The following MVB12B variants were observed in gnomAD, a reference collection of about 807,000 sequenced individuals.
MVB12B encodes ESCRT-I complex subunit MVB12B.
MVB12B carries 16 observed loss-of-function variants against 41.6 expected under a neutral mutation model. The ratio of observed to expected loss-of-function variants is 0.38; its 90% confidence interval spans 0.26 to 0.58. The LOEUF is 0.58. Among genes scored for constraint, MVB12B ranks in the 20% least tolerant of loss-of-function variants. MVB12B has a pLI of 0.62. For missense variants in MVB12B, 274 were observed against 380.2 expected, an observed-to-expected ratio of 0.72 and a Z score of 2.32; for synonymous variants, 133 against 139.7, an observed-to-expected ratio of 0.95 and a Z score of 0.34.
intron 7 of MVB12B, among the ~76,000 whole-genome samples, chr9:126,451,589 C>T (rs1332298101): frequency 6.6e-6 from 1 of 152,024 alleles, no homozygotes; most frequent in Non-Finnish European, 1.5e-5. Context: ...GCTCCCAAAG[C>T]AGTAGGAGTT....
At chr9:126,425,912 A>G (rs1026404583) in intron 7 of MVB12B, among the ~76,000 whole-genome samples, 2 of 152,242 alleles carry the variant, frequency 1.3e-5, no homozygotes, top group Admixed American at 6.5e-5. Context: ...ACTAAAGCCC[A>G]TGGCCCAATC....
chr9:126,455,651 AT>A (rs371049045), intron 7 of MVB12B, among the ~76,000 whole-genome samples: 1 of 151,592 alleles, frequency 6.6e-6, no homozygotes, highest in East Asian at 1.9e-4. Flanking sequence ...TGCCCAGCTG[AT>A]TTTTTTGATA....
chr9:126,496,711 GAGA>G (rs1468801992), intron 9 of MVB12B, among the ~76,000 whole-genome samples: 2 of 152,126 alleles, frequency 1.3e-5, no homozygotes, highest in East Asian at 3.9e-4. Context: ...GGAGAGGAGA[GAGA>G]ACCATGCAGG....
chr9:126,503,141 CTGACTG>C, intron 9 of MVB12B, 30 bp from the exon 10 acceptor site: 1 of 1,520,718 alleles, frequency 6.6e-7, no homozygotes, highest in African/African-American at 1.4e-5. Flanking sequence ...GTCCCATGGA[CTGACTG>C]TGTCTCTCTG....
chr9:126,485,912 C>G (rs529173361), intron 9 of MVB12B, among the ~76,000 whole-genome samples: 2 of 152,176 alleles, frequency 1.3e-5, no homozygotes, highest in East Asian at 3.9e-4. Context: ...CACGCCACAG[C>G]CAGCTCTCCT....
intron 6 of MVB12B, chr9:126,396,917 A>G: frequency 1.0e-6 from 1 of 985,496 alleles, no homozygotes; most frequent in Non-Finnish European, 1.2e-6. Context: ...GCCCATCAGC[A>G]CTTGTTCCTC....
At chr9:126,499,556 C>A (rs1177305965) in intron 9 of MVB12B, among the ~76,000 whole-genome samples, 1 of 152,132 alleles carries the variant, frequency 6.6e-6, no homozygotes, top group African/African-American at 2.4e-5. Context: ...CGCTGTTTGC[C>A]CAAGGGAGTG....
chr9:126,372,380 G>T (rs936899351), intron 2 of MVB12B, among the ~76,000 whole-genome samples: 2 of 152,176 alleles, frequency 1.3e-5, no homozygotes, highest in African/African-American at 4.8e-5. Flanking sequence ...TTTCTCTTGG[G>T]TATATACCTA....
Position 126,395,736 on chromosome 9 carries a change from C to G in MVB12B, c.662+39C>G, listed in dbSNP as rs1200355025. ...GGGGTGTCTTGCGTTGTCCTGTGGT[C>G]TTAGGTCCCTGCACAACATTTTAGA... On this transcript the variant is annotated intron_variant, in intron 6 of 9. Coordinates refer to ENST00000361171, the MANE Select transcript of MVB12B (RefSeq NM_033446.3). The surrounding 1 kb of genome is among the most constrained non-coding windows in gnomAD (Gnocchi z 4.9). The G allele has an allele frequency of 6.2e-6, 10 of 1,610,768 alleles. No individual in the cohort carries two copies. Among genetic ancestry groups the G allele is most frequent in the Admixed American group, 5.0e-5 (3 of 59,574 alleles).
At chr9:126,356,460 C>T (rs1829883046) in intron 2 of MVB12B, among the ~76,000 whole-genome samples, 1 of 152,046 alleles carries the variant, frequency 6.6e-6, no homozygotes, top group Non-Finnish European at 1.5e-5. Flanking sequence ...TTATAATTGA[C>T]ATACAATAGA....
rs1358850098 is a variant in MVB12B at position 126,504,589 on chromosome 9, A to AC, written c.*1327dup. On this transcript the variant is annotated 3_prime_UTR_variant, in exon 10 of 10. Transcript: ENST00000361171. ...GTAGTGCTAGCTGAGGCCCAGAGGA[A>AC]CGGGAGGAAAGGGAGGCAGCGCCGG... is the stretch of plus-strand genomic sequence containing the variant. The AC allele has an allele frequency of 6.5e-6, 1 of 152,764 alleles. No individual in the cohort carries two copies. Among genetic ancestry groups the AC allele is most frequent in the Non-Finnish European group, 1.5e-5 (1 of 68,180 alleles). 9.5% of individuals were successfully genotyped at this position (152,764 alleles called of 1,614,324 possible). A position where few individuals can be genotyped will look rare whatever the true frequency, so the allele number is the denominator to read the frequency against.
chr9:126,477,921 G>A (rs1833451844), intron 7 of MVB12B, among the ~76,000 whole-genome samples: 1 of 152,322 alleles, frequency 6.6e-6, no homozygotes, highest in Non-Finnish European at 1.5e-5. Context: ...TAGTCAGAAA[G>A]CCAGGCTTAC....
chr9:126,456,481 AG>A (rs1156529098), intron 7 of MVB12B, among the ~76,000 whole-genome samples: 3 of 152,218 alleles, frequency 2.0e-5, no homozygotes, highest in Non-Finnish European at 4.4e-5. Flanking sequence ...TTTAACTGTG[AG>A]TTTTCTTTTT....
chr9:126,344,608 G>A (rs1829539034), intron 2 of MVB12B, among the ~76,000 whole-genome samples: 1 of 152,252 alleles, frequency 6.6e-6, no homozygotes, highest in Non-Finnish European at 1.5e-5. Flanking sequence ...TCTGGCCTGT[G>A]TAGGGGTTGG....
intron 7 of MVB12B, among the ~76,000 whole-genome samples, chr9:126,448,664 T>C (rs1832837924): frequency 1.3e-5 from 2 of 152,096 alleles, no homozygotes; most frequent in South Asian, 4.2e-4. Context: ...ATGTATCACA[T>C]GGCAAGAGCG....
intron 2 of MVB12B, among the ~76,000 whole-genome samples, chr9:126,346,176 C>CT (rs1222141506): frequency 6.6e-6 from 1 of 152,084 alleles, no homozygotes; most frequent in East Asian, 1.9e-4. Flanking sequence ...ACGGAAAACC[C>CT]TTCGGGGGAG....
intron 2 of MVB12B, among the ~76,000 whole-genome samples, chr9:126,371,009 T>C (rs1485894867): frequency 6.6e-6 from 1 of 152,236 alleles, no homozygotes; most frequent in Non-Finnish European, 1.5e-5. Context: ...AATTTGTTTT[T>C]GACAAATTGA....
At chr9:126,445,456 G>A (rs1272628044) in intron 7 of MVB12B, among the ~76,000 whole-genome samples, 5 of 151,788 alleles carry the variant, frequency 3.3e-5, no homozygotes, top group East Asian at 1.9e-4. Context: ...GGCACCCACC[G>A]CCACACCTGG....
At chr9:126,420,459 C>T (rs1831970332) in intron 6 of MVB12B, among the ~76,000 whole-genome samples, 1 of 152,150 alleles carries the variant, frequency 6.6e-6, no homozygotes, top group African/African-American at 2.4e-5. Flanking sequence ...ACCTTCACAG[C>T]CCTTGGTGCT....
Sources: gnomAD v4.1 joint callset for allele counts (sites outside exome capture counted in the v4.1 genomes callset) on GRCh38, gnomAD v4.1.1 for gene constraint, Gnocchi (gnomAD v3.1) non-coding constraint, MANE v1.5 for transcripts, NCBI Gene and HGNC (gene_info 2026-07-23, HGNC 2026-07-21) for gene names.